The following NAALADL2 variants were observed in gnomAD, a reference collection of about 807,000 sequenced individuals.
The protein encoded by NAALADL2 is N-acetylated alpha-linked acidic dipeptidase like 2, also known as inactive N-acetylated-alpha-linked acidic dipeptidase-like protein 2.
NAALADL2 carries 76 observed loss-of-function variants against 87.2 expected under a neutral mutation model. The observed-to-expected ratio is 0.87, with a 90% confidence interval of 0.72 to 1.05. NAALADL2 has a LOEUF of 1.05. Ranked by LOEUF, NAALADL2 falls within the 50% of genes least tolerant of loss-of-function variation. The pLI, the probability that NAALADL2 is intolerant of heterozygous loss-of-function variation, is 0.00. For synonymous variants in NAALADL2, 354 were observed against 331.0 expected (o/e 1.07, Z -0.75); for missense variants, 1,089 against 945.8 (o/e 1.15, Z -1.99).
chr3:175,141,069 A>G (rs1282946212), intron 2 of NAALADL2, among the ~76,000 whole-genome samples: 1 of 152,154 alleles, frequency 6.6e-6, no homozygotes, highest in Non-Finnish European at 1.5e-5. Flanking sequence ...AACATGTAAT[A>G]TGGTAGATAT....
intron 1 of NAALADL2, among the ~76,000 whole-genome samples, chr3:175,013,100 A>ATATATTTATATATAAATATGTAT (rs1560474875): frequency 2.4e-4 from 1 of 4,192 alleles, no homozygotes; most frequent in African/African-American, 6.9e-4. Context: ...ATATATAAAT[A>ATATATTTATATATAAATATGTAT]TACATATTTA....
chr3:174,918,535 T>C (rs1331080350), intron 1 of NAALADL2, among the ~76,000 whole-genome samples: 1 of 152,098 alleles, frequency 6.6e-6, no homozygotes, highest in Non-Finnish European at 1.5e-5. Flanking sequence ...ATCATCTAGG[T>C]GATTGCGCTG....
rs1235790227 is a variant in NAALADL2 at position 175,365,394 on chromosome 3, A to G, written c.1090+41069A>G. Among the ~76,000 whole-genome samples the G allele has an allele frequency of 1.4e-5, 2 of 147,662 alleles. 1 individual carries two copies. ...TAGATAATATTATTATCCTCATTTT[A>G]CAGCAGAGAAAACTGATCCGAATTC... On this transcript the variant is annotated intron_variant, in intron 5 of 13. Coordinates refer to ENST00000454872, the MANE Select transcript of NAALADL2 (RefSeq NM_207015.3).
intron 2 of NAALADL2, among the ~76,000 whole-genome samples, chr3:174,694,925 A>G (rs1332219297): frequency 6.6e-6 from 1 of 151,828 alleles, no homozygotes; most frequent in Admixed American, 6.6e-5. Context: ...AGGCACCTCT[A>G]TAAAATTCCA....
At chr3:175,118,314 G>A (rs576348060) in intron 2 of NAALADL2, among the ~76,000 whole-genome samples, 63 of 151,514 alleles carry the variant, frequency 4.2e-4, no homozygotes, top group Non-Finnish European at 6.3e-4. Flanking sequence ...TCTAAGTCTC[G>A]ATAGTAGCAA....
Position 175,652,044 on chromosome 3 carries a change from A to G in NAALADL2, c.1896+24658A>G, listed in dbSNP as rs138544050. On this transcript the variant is annotated intron_variant, in intron 11 of 13. Transcript: ENST00000454872. ...ACGAGCAGACACAGTGAAAGGAGAT[A>G]CTGTACATCAAATTTCTATGTGGTG... Among the ~76,000 whole-genome samples the G allele has an allele frequency of 7.2e-3, 1,095 of 152,324 alleles. 5 individuals carry two copies. The highest frequency in any genetic ancestry group is 0.013 in the Non-Finnish European group (867 of 68,004).
chr3:175,614,939 T>C (rs951688524), intron 10 of NAALADL2, among the ~76,000 whole-genome samples: 1 of 152,170 alleles, frequency 6.6e-6, no homozygotes, highest in Non-Finnish European at 1.5e-5. Flanking sequence ...AATTCTGAGA[T>C]TGACCTAGAA....
chr3:175,029,145 G>A (rs903059235), intron 1 of NAALADL2, among the ~76,000 whole-genome samples: 3 of 151,576 alleles, frequency 2.0e-5, no homozygotes, highest in African/African-American at 7.3e-5. Flanking sequence ...CCACAATGAG[G>A]ACTTTACATG....
chr3:174,847,212 C>CT (rs1724724710), intron 3 of NAALADL2, among the ~76,000 whole-genome samples: 1 of 152,154 alleles, frequency 6.6e-6, no homozygotes. Flanking sequence ...TACCTTTCCC[C>CT]TACTTTCCTA....
chr3:175,781,711 T>G (rs114218859), intron 13 of NAALADL2, among the ~76,000 whole-genome samples: 1,765 of 151,970 alleles, frequency 0.012, 44 homozygotes, highest in African/African-American at 0.04. Flanking sequence ...GCTTTTATTT[T>G]TTTTATTTTT....
chr3:175,149,646 T>C (rs1731255902), intron 2 of NAALADL2, among the ~76,000 whole-genome samples: 1 of 152,188 alleles, frequency 6.6e-6, no homozygotes, highest in Non-Finnish European at 1.5e-5. Flanking sequence ...TGGTTTATAA[T>C]TATTTTCCTA....
At chr3:175,249,261 T>C (rs991956312) in intron 3 of NAALADL2, among the ~76,000 whole-genome samples, 12 of 152,250 alleles carry the variant, frequency 7.9e-5, no homozygotes, top group African/African-American at 2.9e-4. Flanking sequence ...AAAAAAGTAT[T>C]TTTTGTAAGT....
Position 175,096,909 on chromosome 3 carries a change from G to T in NAALADL2, c.163G>T (p.Glu55Ter). The change falls in exon 2 of 14, where the codon GAA (glutamate) becomes TAA (stop). Residue 55 changes from glutamate to a stop codon, truncating the protein, a stop_gained. Transcript: ENST00000454872. LOFTEE classifies it high-confidence loss of function. ...ALDLEWDMEKELEESGFDQFQ... is the reference protein window; with the variant it reads ...ALDLEWDMEK Reference sequence around the variant, plus strand: ...TGACTTAGAGTGGGACATGGAGAAGGAACTAGAGGAGTCTGGTTTTGACCA... The same window carrying T: ...TGACTTAGAGTGGGACATGGAGAAGTAACTAGAGGAGTCTGGTTTTGACCA... The T allele has an allele frequency of 6.2e-7, 1 of 1,613,430 alleles. No homozygotes were observed. The highest frequency in any genetic ancestry group is 8.5e-7 in the Non-Finnish European group (1 of 1,179,658).
chr3:174,971,944 T>G (rs1743730114), intron 1 of NAALADL2, among the ~76,000 whole-genome samples: 1 of 152,218 alleles, frequency 6.6e-6, no homozygotes, highest in East Asian at 1.9e-4. Context: ...GTGATCCACC[T>G]GCCTCGGCCT....
chr3:174,977,754 C>T (rs1159841171), intron 1 of NAALADL2, among the ~76,000 whole-genome samples: 1 of 152,144 alleles, frequency 6.6e-6, no homozygotes, highest in East Asian at 1.9e-4. Flanking sequence ...TAATACTTAT[C>T]ACCTATAAAC....
At chr3:175,419,087 A>T (rs796552404) in intron 5 of NAALADL2, among the ~76,000 whole-genome samples, 6 of 151,738 alleles carry the variant, frequency 4.0e-5, no homozygotes, top group African/African-American at 1.5e-4. Flanking sequence ...AGACCTGTCA[A>T]GTGTCAGAGC....
At chr3:174,575,606 A>T (rs1715440011) in intron 2 of NAALADL2, among the ~76,000 whole-genome samples, 1 of 152,180 alleles carries the variant, frequency 6.6e-6, no homozygotes, top group African/African-American at 2.4e-5. Context: ...ATGAGGAAAA[A>T]CTTGGTTATA....
At chr3:175,043,346 C>A (rs1754302676) in intron 1 of NAALADL2, among the ~76,000 whole-genome samples, 1 of 152,120 alleles carries the variant, frequency 6.6e-6, no homozygotes, top group African/African-American at 2.4e-5. Context: ...TTAAGTGATT[C>A]TCCTGCCTCA....
intron 4 of NAALADL2, among the ~76,000 whole-genome samples, chr3:175,315,202 G>C (rs1290388859): frequency 5.9e-5 from 9 of 152,082 alleles, no homozygotes. Context: ...TCAGTTGCTA[G>C]TCTAGCACCC....
Sources: allele counts gnomAD v4.1 joint callset (sites outside exome capture counted in the v4.1 genomes callset), GRCh38; gene constraint gnomAD v4.1.1; transcripts MANE v1.5; gene names NCBI Gene and HGNC (gene_info 2026-07-23, HGNC 2026-07-21).